The following TLK2 variants were observed in gnomAD, a reference collection of about 807,000 sequenced individuals.
TLK2 encodes serine/threonine-protein kinase tousled-like 2.
TLK2 carries 6 observed loss-of-function variants against 117.3 expected under a neutral mutation model. That is an observed-to-expected ratio of 0.05 (90% CI 0.03 to 0.10). TLK2 has a LOEUF of 0.10. Among genes scored for constraint, TLK2 ranks in the 10% least tolerant of loss-of-function variants. TLK2 has a pLI of 1.00. For synonymous variants in TLK2, 257 were observed against 316.7 expected, an observed-to-expected ratio of 0.81 and a Z score of 2.00; for missense variants, 299 against 901.2, an observed-to-expected ratio of 0.33 and a Z score of 8.56.
chr17:62,510,033 C>CT (rs1383634457), intron 2 of TLK2, among the ~76,000 whole-genome samples: 1 of 152,234 alleles, frequency 6.6e-6, no homozygotes, highest in Admixed American at 6.5e-5. Flanking sequence ...AATCCCAGCA[C>CT]TTTCGGAGGT....
In TLK2 at chr17:62,612,797, A is replaced by G; in HGVS notation, c.*232A>G. The G allele has an allele frequency of 2.8e-6, 1 of 356,056 alleles. No homozygotes were observed. Among genetic ancestry groups the G allele is most frequent in the Non-Finnish European group, 5.0e-6 (1 of 198,362 alleles). The allele number at this position is 356,056 out of a possible 1,614,324, so 22.1% of individuals were successfully genotyped here. A position where few individuals can be genotyped will look rare whatever the true frequency, so the allele number is the denominator to read the frequency against. On this transcript the variant is annotated 3_prime_UTR_variant, in exon 22 of 22. Transcript: ENST00000346027. Reference sequence around the variant, plus strand: ...AGGAAAAGGCCCCGCCCGAGGTTCCAGCGTCAACGGCCACTGTGTGTGGCT... The same window carrying G: ...AGGAAAAGGCCCCGCCCGAGGTTCCGGCGTCAACGGCCACTGTGTGTGGCT...
At chr17:62,478,068 G>C (rs1256255227), upstream of TLK2, 1 of 152,008 alleles carries the variant, frequency 6.6e-6, no homozygotes, top group African/African-American at 2.4e-5. Flanking sequence ...CCCTGGAGAC[G>C]CTCTGCCAGC....
chr17:62,567,358 A>T (rs2079878689), intron 11 of TLK2, among the ~76,000 whole-genome samples: 2 of 152,226 alleles, frequency 1.3e-5, no homozygotes, highest in African/African-American at 4.8e-5. Flanking sequence ...AGAGTACAAA[A>T]TGATGACTTT....
chr17:62,548,234 A>G (rs1045278764), intron 7 of TLK2, among the ~76,000 whole-genome samples: 41 of 37,066 alleles, frequency 1.1e-3, no homozygotes, highest in African/African-American at 1.9e-3. Flanking sequence ...GGCCATATAT[A>G]TATATATGTG....
rs991102089 is a variant in TLK2, at chr17:62,498,493, G to T, written c.81+17287G>T. On this transcript the variant is annotated intron_variant, in intron 2 of 21. Coordinates refer to ENST00000346027, the MANE Select transcript of TLK2 (RefSeq NM_006852.6). ...CGACCTCTGCCTCCTGGGCTCAAGC[G>T]ATTCTCCTTTCTCAGCTTCCCAAAT... 1.3e-5 allele frequency among the ~76,000 whole-genome samples: 2 copies of T among 151,382 alleles called. 1 individual carries two copies.
At chr17:62,510,366 G>C (rs1050426344) in intron 2 of TLK2, among the ~76,000 whole-genome samples, 7 of 152,182 alleles carry the variant, frequency 4.6e-5, no homozygotes, top group Non-Finnish European at 1.0e-4. Flanking sequence ...GAACCAGATA[G>C]CCTTGGTTCA....
chr17:62,543,001 TATC>T (rs952169077), intron 7 of TLK2, among the ~76,000 whole-genome samples: 6 of 152,132 alleles, frequency 3.9e-5, no homozygotes, highest in African/African-American at 1.4e-4. Flanking sequence ...AGAACTTTCT[TATC>T]ATCTGTGCCT....
intron 7 of TLK2, among the ~76,000 whole-genome samples, chr17:62,549,174 A>G (rs934520066): frequency 3.4e-5 from 5 of 148,568 alleles, no homozygotes; most frequent in East Asian, 2.0e-4. Context: ...TGGGGGGATC[A>G]TGAGGTCAGG....
chr17:62,489,940 C>T (rs754272064), intron 2 of TLK2, among the ~76,000 whole-genome samples: 19 of 152,106 alleles, frequency 1.2e-4, no homozygotes, highest in Admixed American at 3.3e-4. Context: ...AGCAATTCTC[C>T]CTGTGTCAGC....
At chr17:62,594,867 C>T (rs2082351315) in intron 16 of TLK2, among the ~76,000 whole-genome samples, 1 of 151,916 alleles carries the variant, frequency 6.6e-6, no homozygotes. Flanking sequence ...AACACATGTG[C>T]CTTTGGGATG....
intron 11 of TLK2, among the ~76,000 whole-genome samples, chr17:62,569,342 T>A (rs560902027): frequency 3.6e-4 from 54 of 151,316 alleles, no homozygotes; most frequent in South Asian, 8.3e-4. Context: ...TGACATGTTG[T>A]TTGAAGTTTT....
At chr17:62,595,304 T>TTA (rs982395823) in intron 16 of TLK2, among the ~76,000 whole-genome samples, 11 of 148,972 alleles carry the variant, frequency 7.4e-5, no homozygotes, top group African/African-American at 2.3e-4. Context: ...TTTTTTTTTT[T>TTA]AAATCAGCGT....
At chr17:62,588,618 A>T (rs2081836888) in intron 16 of TLK2, among the ~76,000 whole-genome samples, 1 of 151,930 alleles carries the variant, frequency 6.6e-6, no homozygotes, top group Admixed American at 6.6e-5. Flanking sequence ...AGTTGTTGTG[A>T]CCTTCATTCT....
intron 2 of TLK2, among the ~76,000 whole-genome samples, chr17:62,511,600 G>A (rs1192451772): frequency 1.3e-5 from 2 of 152,138 alleles, no homozygotes; most frequent in Non-Finnish European, 2.9e-5. Context: ...GAATTCCTGG[G>A]TTCAAGCAAT....
chr17:62,513,160 G>T (rs1043829698), intron 2 of TLK2, among the ~76,000 whole-genome samples: 1 of 151,856 alleles, frequency 6.6e-6, no homozygotes, highest in Admixed American at 6.6e-5. Context: ...GATTACAGGT[G>T]TGAGCCACCA....
chr17:62,603,885 G>C (rs533188030), intron 19 of TLK2, among the ~76,000 whole-genome samples: 1 of 152,234 alleles, frequency 6.6e-6, no homozygotes, highest in East Asian at 1.9e-4. Flanking sequence ...CAGTATGTCA[G>C]ATAAAAATAA....
intron 11 of TLK2, 105 bp downstream of exon 11, chr17:62,565,242 T>C (rs978537506): frequency 4.1e-5 from 58 of 1,417,736 alleles, no homozygotes; most frequent in Non-Finnish European, 4.9e-5. Context: ...GTAGTCATCT[T>C]TTCAGTTAGT....
intron 2 of TLK2, among the ~76,000 whole-genome samples, chr17:62,492,912 A>G (rs924499239): frequency 2.0e-5 from 3 of 152,000 alleles, no homozygotes; most frequent in Admixed American, 6.6e-5. Context: ...CCTGGCCAAC[A>G]TAGTGAAACC....
intron 11 of TLK2, among the ~76,000 whole-genome samples, chr17:62,570,597 A>G (rs2080209429): frequency 6.6e-6 from 1 of 152,198 alleles, no homozygotes; most frequent in South Asian, 2.1e-4. Context: ...TTCAATAGCT[A>G]AACAGTTTCA....
Sources: allele counts gnomAD v4.1 joint callset (sites outside exome capture counted in the v4.1 genomes callset), GRCh38; gene constraint gnomAD v4.1.1; transcripts MANE v1.5; gene names NCBI Gene and HGNC (gene_info 2026-07-23, HGNC 2026-07-21).